LAMA2: variants seen among roughly 807,000 people sequenced by gnomAD.
LAMA2 encodes the protein laminin subunit alpha-2.
In LAMA2, 269 loss-of-function variants were observed where a neutral mutation model predicts 364.8. That is an observed-to-expected ratio of 0.74 (90% confidence interval 0.67 to 0.82). The LOEUF (loss-of-function observed/expected upper bound fraction) is 0.82, where lower values mean the gene tolerates loss of function less well. Ranked by LOEUF, LAMA2 falls within the 40% of genes least tolerant of loss-of-function variation. LAMA2 has a pLI of 0.00. For synonymous variants in LAMA2, 1,379 were observed against 1,370.6 expected, an observed-to-expected ratio of 1.01 and a Z score of -0.14; for missense variants, 3,807 against 3,873.2, an observed-to-expected ratio of 0.98 and a Z score of 0.45.
intron 12 of LAMA2, among the ~76,000 whole-genome samples, chr6:129,202,596 A>C (rs1583240707): frequency 6.6e-6 from 1 of 152,310 alleles, no homozygotes; most frequent in Non-Finnish European, 1.5e-5. Context: ...TAATGCTTAA[A>C]AACTACCTAG....
chr6:129,041,547 A>T (rs770406293), intron 1 of LAMA2, among the ~76,000 whole-genome samples: 1 of 152,210 alleles, frequency 6.6e-6, no homozygotes, highest in Non-Finnish European at 1.5e-5. Context: ...CTTTTTATTG[A>T]TACTGATATT....
chr6:129,232,680 T>G (rs966979481), intron 12 of LAMA2, among the ~76,000 whole-genome samples: 1 of 152,142 alleles, frequency 6.6e-6, no homozygotes, highest in African/African-American at 2.4e-5. Flanking sequence ...TACCCATAGC[T>G]GAATTTCCAG....
chr6:129,029,894 A>AG (rs1205365797), intron 1 of LAMA2, among the ~76,000 whole-genome samples: 2 of 152,086 alleles, frequency 1.3e-5, no homozygotes, highest in Non-Finnish European at 2.9e-5. Context: ...CCAATTGTAG[A>AG]GACTTCCCCC....
intron 12 of LAMA2, among the ~76,000 whole-genome samples, chr6:129,236,115 A>G (rs890903916): frequency 1.3e-5 from 2 of 152,192 alleles, no homozygotes; most frequent in African/African-American, 2.4e-5. Context: ...GTACATATGT[A>G]TAGCCTCCAA....
Position 128,960,978 on chromosome 6 carries a change from G to A in LAMA2, c.112+77621G>A, listed in dbSNP as rs1355614278. Among the ~76,000 whole-genome samples the A allele has an allele frequency of 2.0e-5, 3 of 151,754 alleles. No individual in the cohort carries two copies. The East Asian group carries it at 5.8e-4, about 30-fold the overall frequency. ...TTGCTGTCCAATAATGTTTAGCTGA[G>A]ACACTAAAATTGTTAAATCTCTGTA... On this transcript the variant is annotated intron_variant, in intron 1 of 64. Transcript: ENST00000421865.
intron 4 of LAMA2, among the ~76,000 whole-genome samples, chr6:129,121,083 A>G (rs1408917602): frequency 3.3e-5 from 5 of 152,118 alleles, no homozygotes. Context: ...GGGTGGGGAG[A>G]CATATTAGTC....
intron 1 of LAMA2, among the ~76,000 whole-genome samples, chr6:128,914,003 T>C (rs1243514243): frequency 1.3e-5 from 2 of 151,968 alleles, no homozygotes; most frequent in African/African-American, 4.8e-5. Flanking sequence ...ATAAAAAGGA[T>C]TGTAGAGAAA....
chr6:129,393,165 T>C lies in LAMA2; in HGVS notation c.5355T>C (p.Asp1785=). The stretch of plus-strand genomic sequence containing the variant: ...CTGACTACAAAAACAAAGTTGATGA[T>C]GCTTGGGACCTTTTGAGAGAAGCCA... The part of the protein sequence containing the change: ...KLADYKNKVD[D]AWDLLREATD... The change falls in exon 37 of 65, where the codon GAT becomes GAC. Residue 1785 remains aspartate, a synonymous_variant. Coordinates refer to ENST00000421865, the MANE Select transcript of LAMA2 (RefSeq NM_000426.4). 1 of 1,614,084 alleles carries C rather than the reference T, an allele frequency of 6.2e-7. No homozygotes were observed. Among genetic ancestry groups the C allele is most frequent in the Non-Finnish European group, 8.5e-7 (1 of 1,179,960 alleles).
chr6:129,226,496 T>C (rs1784287551), intron 12 of LAMA2, among the ~76,000 whole-genome samples: 1 of 152,186 alleles, frequency 6.6e-6, no homozygotes. Flanking sequence ...TGTTTAGCAC[T>C]TCCTTCAGGA....
chr6:128,905,881 G>A (rs550729932), intron 1 of LAMA2, among the ~76,000 whole-genome samples: 16 of 151,840 alleles, frequency 1.1e-4, no homozygotes, highest in Admixed American at 2.0e-4. Flanking sequence ...GAGAACATGC[G>A]GTGTTTGGTT....
At position 129,400,326 on chromosome 6, in the gene LAMA2, C is replaced by T. The variant is rs139917805; in HGVS notation, c.5446-898C>T. Among the ~76,000 whole-genome samples, 494 of 152,280 alleles carry T rather than the reference C, an allele frequency of 3.2e-3. 3 individuals are homozygous for T. Among genetic ancestry groups the T allele is most frequent in the African/African-American group, 0.011 (473 of 41,556 alleles). On this transcript the variant is annotated intron_variant, in intron 37 of 64. Coordinates refer to ENST00000421865, the MANE Select transcript of LAMA2 (RefSeq NM_000426.4). Reference sequence around the variant, plus strand: ...GGGGACACAGACATTCAGGCCACTGCCCTTTACTTATTCAATTTCCCACTT... The same window carrying T: ...GGGGACACAGACATTCAGGCCACTGTCCTTTACTTATTCAATTTCCCACTT...
At chr6:129,363,753 G>A (rs1040096028) in intron 32 of LAMA2, among the ~76,000 whole-genome samples, 6 of 152,274 alleles carry the variant, frequency 3.9e-5, no homozygotes, top group East Asian at 1.9e-4. Flanking sequence ...TAGGATTTCC[G>A]AAAGTCCTAC....
chr6:129,049,890 C>T, intron 1 of LAMA2, 28 bp from the exon 2 acceptor site: 2 of 1,604,766 alleles, frequency 1.2e-6, no homozygotes, highest in Non-Finnish European at 8.5e-7. Context: ...TTCTGGTCTA[C>T]ACACCTTCAT....
chr6:128,987,806 G>A (rs1483376635), intron 1 of LAMA2, among the ~76,000 whole-genome samples: 2 of 152,124 alleles, frequency 1.3e-5, no homozygotes, highest in Non-Finnish European at 2.9e-5. Context: ...CTGTGGTAAG[G>A]ATTAAATGAG....
intron 33 of LAMA2, among the ~76,000 whole-genome samples, chr6:129,368,261 C>T (rs947324241): frequency 3.9e-5 from 6 of 152,152 alleles, no homozygotes; most frequent in Non-Finnish European, 8.8e-5. Context: ...TGCCTTCTGC[C>T]GTGTGAGGAC....
chr6:129,225,511 C>G (rs1784192693), intron 12 of LAMA2, among the ~76,000 whole-genome samples: 1 of 152,160 alleles, frequency 6.6e-6, no homozygotes, highest in Non-Finnish European at 1.5e-5. Flanking sequence ...TTAAATGTGT[C>G]CCAGAGATTC....
At chr6:129,047,199 AAT>A (rs1372989691) in intron 1 of LAMA2, among the ~76,000 whole-genome samples, 6 of 152,212 alleles carry the variant, frequency 3.9e-5, no homozygotes, top group African/African-American at 1.4e-4. Context: ...GATAAAAAAA[AAT>A]AAGGTAAAAA....
At chr6:129,153,765 TA>T in intron 7 of LAMA2, among the ~76,000 whole-genome samples, 1 of 152,292 alleles carries the variant, frequency 6.6e-6, no homozygotes, top group East Asian at 1.9e-4. Flanking sequence ...TTTTAGTTGT[TA>T]TTAGTATTAA....
intron 22 of LAMA2, among the ~76,000 whole-genome samples, chr6:129,303,186 A>G (rs1773655335): frequency 6.6e-6 from 1 of 152,132 alleles, no homozygotes; most frequent in South Asian, 2.1e-4. Context: ...TGTTAAATGT[A>G]TCCGTTTCAT....
Sources: allele counts gnomAD v4.1 joint callset (sites outside exome capture counted in the v4.1 genomes callset), GRCh38; gene constraint gnomAD v4.1.1; transcripts MANE v1.5; gene names NCBI Gene and HGNC (gene_info 2026-07-23, HGNC 2026-07-21).